Variants in ZNF438 observed in about 807,000 individuals in gnomAD.
ZNF438 encodes the protein zinc finger protein 438.
Under a neutral mutation model 38.0 loss-of-function variants are expected in ZNF438, and 25 were observed. That is an observed-to-expected ratio of 0.66 (90% CI 0.48 to 0.92). ZNF438 has a LOEUF of 0.92. Ranked by LOEUF, ZNF438 falls within the 40% of genes least tolerant of loss-of-function variation. The pLI is 0.00. For synonymous variants in ZNF438, 372 were observed against 364.1 expected, an observed-to-expected ratio of 1.02 and a Z score of -0.25; for missense variants, 1,007 against 999.6, an observed-to-expected ratio of 1.01 and a Z score of -0.10.
chr10:30,962,692 A>G (rs1185894326), intron 1 of ZNF438, among the ~76,000 whole-genome samples: 1 of 147,566 alleles, frequency 6.8e-6, no homozygotes, highest in Non-Finnish European at 1.5e-5. Context: ...CAGTGTGAGA[A>G]GCAAGTTGGA....
chr10:30,911,565 C>G (rs1024493710), intron 2 of ZNF438, among the ~76,000 whole-genome samples: 1 of 152,116 alleles, frequency 6.6e-6, no homozygotes, highest in Non-Finnish European at 1.5e-5. Context: ...TTAGAACAGC[C>G]TAAGTCTCTG....
intron 4 of ZNF438, among the ~76,000 whole-genome samples, chr10:30,864,793 CCTCTACTCATCTATTT>C (rs1185496302): frequency 2.0e-5 from 3 of 152,146 alleles, no homozygotes; most frequent in African/African-American, 2.4e-5. Flanking sequence ...ATATACACCG[CCTCTACTCATCTATTT>C]CTATTCTTCC....
At chr10:31,032,366 C>G (rs1459079133), upstream of ZNF438, among the ~76,000 whole-genome samples, 1 of 152,208 alleles carries the variant, frequency 6.6e-6, no homozygotes, top group South Asian at 2.1e-4. Context: ...TCCCAGGGTC[C>G]CTCGCTCCTC....
chr10:30,992,029 C>T (rs1461602435), intron 1 of ZNF438, among the ~76,000 whole-genome samples: 1 of 152,192 alleles, frequency 6.6e-6, no homozygotes, highest in Non-Finnish European at 1.5e-5. Flanking sequence ...GCTTGCTTCG[C>T]TCAGGAGTGA....
intron 2 of ZNF438, among the ~76,000 whole-genome samples, chr10:30,937,873 T>C (rs1311233114): frequency 6.6e-6 from 1 of 152,224 alleles, no homozygotes; most frequent in African/African-American, 2.4e-5. Flanking sequence ...GAAACCTCTA[T>C]AGTCTTCCCA....
At position 30,858,021 on chromosome 10, in the gene ZNF438, T is replaced by C. The variant is rs574060213; in HGVS notation, c.38-7654A>G. 5.9e-5 allele frequency among the ~76,000 whole-genome samples: 9 copies of C among 152,368 alleles called. No individual in the cohort carries two copies. The South Asian group carries it at 1.9e-3, about 32-fold the overall frequency. On this transcript the variant is annotated intron_variant, in intron 4 of 5. Coordinates refer to ENST00000413025, the Ensembl canonical transcript of ZNF438. ...CTGAATAAAGTTGTTCAACCTCTTC[T>C]GGTCGCTGGTTTGGGCAAAGTTCCA...
intron 3 of ZNF438, among the ~76,000 whole-genome samples, chr10:30,885,101 T>A (rs1441880812): frequency 2.0e-5 from 3 of 152,244 alleles, no homozygotes; most frequent in African/African-American, 7.2e-5. Context: ...ATCATCACAC[T>A]GACATACTGT....
exon 5 of ZNF438, chr10:30,849,027 T>A (rs1374562810): frequency 6.2e-7 from 1 of 1,614,068 alleles, no homozygotes; most frequent in African/African-American, 1.3e-5. Flanking sequence ...CCCCCAAGCA[T>A]CTGGGACTGT....
At chr10:30,878,670 T>C (rs951047529) in intron 3 of ZNF438, among the ~76,000 whole-genome samples, 4 of 152,208 alleles carry the variant, frequency 2.6e-5, no homozygotes, top group Non-Finnish European at 5.9e-5. Context: ...AACACTGCTG[T>C]CCATAAACGG....
intron 1 of ZNF438, among the ~76,000 whole-genome samples, chr10:30,954,039 A>C (rs779976463): frequency 1.3e-5 from 2 of 152,120 alleles, no homozygotes; most frequent in Non-Finnish European, 2.9e-5. Context: ...GCTACTCAGA[A>C]GGCTGAGGCA....
intron 1 of ZNF438, among the ~76,000 whole-genome samples, chr10:30,977,853 G>C (rs2051586991): frequency 6.6e-6 from 1 of 151,730 alleles, no homozygotes; most frequent in Non-Finnish European, 1.5e-5. Context: ...CATGGTGGCG[G>C]GCACCTGTAG....
At chr10:30,946,149 G>A (rs1383409128) in intron 1 of ZNF438, among the ~76,000 whole-genome samples, 2 of 151,830 alleles carry the variant, frequency 1.3e-5, no homozygotes, top group African/African-American at 4.8e-5. Context: ...TTCTCTGATG[G>A]CCAGTGATGA....
At chr10:31,010,681 G>A (rs1363291410) in intron 1 of ZNF438, among the ~76,000 whole-genome samples, 3 of 151,888 alleles carry the variant, frequency 2.0e-5, no homozygotes, top group Non-Finnish European at 4.4e-5. Flanking sequence ...GAGGCCAGGA[G>A]TTTTAGATCA....
chr10:30,960,908 T>C (rs1414832845), intron 1 of ZNF438, among the ~76,000 whole-genome samples: 2 of 146,346 alleles, frequency 1.4e-5, no homozygotes, highest in African/African-American at 4.9e-5. Flanking sequence ...GACTGTAAAA[T>C]TAAGTTTTCC....
At chr10:30,949,726 G>A (rs2047928533) in intron 1 of ZNF438, among the ~76,000 whole-genome samples, 1 of 151,850 alleles carries the variant, frequency 6.6e-6, no homozygotes, top group South Asian at 2.1e-4. Flanking sequence ...ACCCAATACA[G>A]GAGCACCCAG....
chr10:31,029,798 C>CA (rs1213657957), intron 1 of ZNF438, among the ~76,000 whole-genome samples: 1 of 152,224 alleles, frequency 6.6e-6, no homozygotes, highest in Non-Finnish European at 1.5e-5. Flanking sequence ...GGCCCTTGAC[C>CA]ATCATTGGCC....
intron 1 of ZNF438, among the ~76,000 whole-genome samples, chr10:30,951,032 T>G (rs2048127871): frequency 1.5e-5 from 2 of 137,916 alleles, no homozygotes; most frequent in South Asian, 4.8e-4. Flanking sequence ...CAGCAGCACA[T>G]CAAAAAGCTT....
chr10:30,849,884 C>T lies in ZNF438; in HGVS notation c.521G>A (p.Ser174Asn), dbSNP rs1177355323. The T allele has an allele frequency of 4.3e-6, 7 of 1,613,970 alleles. No homozygotes were observed. The highest frequency in any genetic ancestry group is 1.3e-5 in the African/African-American group (1 of 74,880). Residue 174 changes from serine (S) to asparagine (N), a missense_variant, in exon 5 of 6, where the codon AGT becomes AAT. By Grantham distance (46) the Ser-to-Asn change is conservative. Coordinates refer to ENST00000413025, the Ensembl canonical transcript of ZNF438. ...TAGTGATGGTACTTCCTCAAATGGACTGGGTTTGTACAGGAGTTCAGGGTG... is the reference window on the plus strand; with the variant it reads ...TAGTGATGGTACTTCCTCAAATGGATTGGGTTTGTACAGGAGTTCAGGGTG...
At chr10:30,884,091 AT>A (rs902367080) in intron 3 of ZNF438, among the ~76,000 whole-genome samples, 40 of 152,262 alleles carry the variant, frequency 2.6e-4, no homozygotes, top group Admixed American at 9.8e-4. Flanking sequence ...TCAGAAAAAA[AT>A]GTTTTTATTT....
Sources: gnomAD v4.1 joint callset for allele counts (sites outside exome capture counted in the v4.1 genomes callset) on GRCh38, gnomAD v4.1.1 for gene constraint, MANE v1.5 for transcripts, NCBI Gene and HGNC (gene_info 2026-07-23, HGNC 2026-07-21) for gene names.